Variants in TANGO6 observed in about 807,000 individuals in gnomAD.
TANGO6 encodes the protein transport and Golgi organization protein 6 homolog.
A neutral mutation model predicts 114.2 loss-of-function variants in TANGO6; 90 were observed. The observed-to-expected ratio is 0.79, with a 90% CI of 0.66 to 0.94. The LOEUF is 0.94. TANGO6 is among the 40% of genes least tolerant of loss of function. The pLI, the probability that TANGO6 is intolerant of heterozygous loss-of-function variation, is 0.00. For synonymous variants in TANGO6, 477 were observed against 509.8 expected (o/e 0.94, Z 0.87); for missense variants, 1,274 against 1,315.3 (o/e 0.97, Z 0.49).
chr16:68,999,442 T>C (rs1964020390), intron 15 of TANGO6, among the ~76,000 whole-genome samples: 1 of 152,220 alleles, frequency 6.6e-6, no homozygotes, highest in African/African-American at 2.4e-5. Flanking sequence ...ACAGTCTGTT[T>C]ATATTTGAAA....
intron 17 of TANGO6, among the ~76,000 whole-genome samples, chr16:69,058,708 C>A (rs928145254): frequency 6.6e-6 from 1 of 152,184 alleles, no homozygotes; most frequent in African/African-American, 2.4e-5. Context: ...CTCTGTCACC[C>A]AGGCTGGAGT....
intron 9 of TANGO6, among the ~76,000 whole-genome samples, chr16:68,906,983 C>T (rs925421369): frequency 2.6e-4 from 39 of 151,812 alleles, no homozygotes; most frequent in African/African-American, 5.8e-4. Flanking sequence ...TTAGTAGAGA[C>T]GGGGTTTCAC....
At chr16:68,928,158 G>C in intron 13 of TANGO6, 75 bp downstream of exon 13, 3 of 1,451,808 alleles carry the variant, frequency 2.1e-6, no homozygotes, top group Non-Finnish European at 2.7e-6. Flanking sequence ...TTTGGAGCCT[G>C]GACTATGTGT....
chr16:68,976,566 A>G (rs1567551755), intron 15 of TANGO6, among the ~76,000 whole-genome samples: 1 of 152,346 alleles, frequency 6.6e-6, no homozygotes, highest in East Asian at 1.9e-4. Context: ...TGGGCTATAT[A>G]ACATAGAATT....
intron 14 of TANGO6, among the ~76,000 whole-genome samples, chr16:68,932,695 C>G (rs969017544): frequency 1.3e-5 from 2 of 151,952 alleles, no homozygotes; most frequent in African/African-American, 4.8e-5. Context: ...GATGCTGAGA[C>G]ACGAGAATTG....
At chr16:69,011,943 G>C (rs759990879) in intron 15 of TANGO6, among the ~76,000 whole-genome samples, 6 of 152,200 alleles carry the variant, frequency 3.9e-5, no homozygotes, top group Admixed American at 2.0e-4. Context: ...GCAAGTCATA[G>C]GCAGGTTAAA....
At chr16:69,067,745 C>G (rs1960239137) in intron 17 of TANGO6, among the ~76,000 whole-genome samples, 1 of 151,874 alleles carries the variant, frequency 6.6e-6, no homozygotes, top group African/African-American at 2.4e-5. Flanking sequence ...CAAGACCAGC[C>G]TGACCAACAT....
At chr16:68,918,979 A>G (rs1194417224) in intron 11 of TANGO6, 106 bp from the exon 12 acceptor site, 5 of 1,362,494 alleles carry the variant, frequency 3.7e-6, no homozygotes, top group Non-Finnish European at 4.0e-6. Flanking sequence ...GGTTCTTGCT[A>G]TCATGATGTA....
In TANGO6 at chr16:68,996,283, G is replaced by T. The variant is rs1024879572; in HGVS notation, c.2842+22115G>T. 9.9e-4 allele frequency among the ~76,000 whole-genome samples: 151 copies of T among 152,258 alleles called. 1 individual carries two copies. Among genetic ancestry groups the T allele is most frequent in the African/African-American group, 3.5e-3 (146 of 41,536 alleles). ...TTTAATTCTCTAAATGGCTTTTGGAGAGGAAATCCTGCCTGTCAGGATCTG... is the reference window on the plus strand; with the variant it reads ...TTTAATTCTCTAAATGGCTTTTGGATAGGAAATCCTGCCTGTCAGGATCTG... On this transcript the variant is annotated intron_variant, in intron 15 of 17. Transcript: ENST00000261778.
intron 12 of TANGO6, 78 bp downstream of exon 12, chr16:68,919,297 T>A: frequency 1.3e-6 from 2 of 1,531,348 alleles, no homozygotes; most frequent in Non-Finnish European, 1.8e-6. Context: ...TCCATATCCT[T>A]GTGAGAAATA....
chr16:68,896,056 G>GT (rs1962699910), intron 7 of TANGO6, among the ~76,000 whole-genome samples: 2 of 151,972 alleles, frequency 1.3e-5, no homozygotes, highest in Non-Finnish European at 2.9e-5. Flanking sequence ...AGGCTGGAGT[G>GT]CAGTAGCCAT....
chr16:68,973,039 C>G (rs531975292), intron 14 of TANGO6: 6 of 444,904 alleles, frequency 1.3e-5, no homozygotes, highest in Non-Finnish European at 2.2e-5. Flanking sequence ...GGGGACTGCT[C>G]ATATTCAGGG....
At chr16:68,916,512 TC>T (rs1432984360) in intron 11 of TANGO6, among the ~76,000 whole-genome samples, 58 of 142,096 alleles carry the variant, frequency 4.1e-4, no homozygotes, top group African/African-American at 1.4e-3. Context: ...ATGAAACCGG[TC>T]CCTGGTGCCA....
At chr16:68,920,671 C>T (rs1266970680) in intron 12 of TANGO6, among the ~76,000 whole-genome samples, 4 of 151,850 alleles carry the variant, frequency 2.6e-5, no homozygotes, top group Admixed American at 1.3e-4. Context: ...TTCTGATTCT[C>T]GATGTATTAG....
At chr16:69,037,023 C>G (rs1485418010) in intron 16 of TANGO6, among the ~76,000 whole-genome samples, 1 of 150,506 alleles carries the variant, frequency 6.6e-6, no homozygotes, top group Non-Finnish European at 1.5e-5. Context: ...ATAGTCCCAG[C>G]TACTAGGGAG....
chr16:69,035,971 A>G (rs1597066834), intron 16 of TANGO6: 1 of 149,306 alleles, frequency 6.7e-6, no homozygotes, highest in African/African-American at 2.5e-5. Context: ...TGAACCCGGG[A>G]GGCAAAGGTT....
At chr16:68,893,871 C>G (rs568063748) in intron 7 of TANGO6, among the ~76,000 whole-genome samples, 61 of 151,812 alleles carry the variant, frequency 4.0e-4, no homozygotes, top group Non-Finnish European at 7.1e-4. Context: ...ACCTGCCCCC[C>G]GCCCCGCCCC....
rs373283454 is a variant in TANGO6, at chr16:68,974,084, C to T, written c.2758C>T (p.Gln920Ter). 6 of 1,613,526 alleles carry T rather than the reference C, an allele frequency of 3.7e-6. No individual in the cohort carries two copies. Among genetic ancestry groups the T allele is most frequent in the Non-Finnish European group, 5.1e-6 (6 of 1,179,774 alleles). Residue 920 changes from glutamine to a stop codon, truncating the protein, a stop_gained, in exon 15 of 18, where the codon CAA (glutamine) becomes TAA (stop). Transcript: ENST00000261778. LOFTEE classifies it high-confidence loss of function. ...PEKILPDLLA[Q>*]YDSSKDKHTP... ...GAAAATCTTGCCGGACTTGTTGGCT[C>T]AATATGACAGCAGCAAAGACAAGCA...
intron 15 of TANGO6, among the ~76,000 whole-genome samples, chr16:68,978,849 A>G (rs1567552159): frequency 6.6e-6 from 1 of 151,756 alleles, no homozygotes; most frequent in Non-Finnish European, 1.5e-5. Flanking sequence ...GTGCAAAATC[A>G]GCAGGAGCTT....
Sources: gnomAD v4.1 joint callset for allele counts (sites outside exome capture counted in the v4.1 genomes callset) on GRCh38, gnomAD v4.1.1 for gene constraint, MANE v1.5 for transcripts, NCBI Gene and HGNC (gene_info 2026-07-23, HGNC 2026-07-21) for gene names.